WWOX: variants seen among roughly 807,000 people sequenced by gnomAD.
WWOX encodes the protein WW domain containing oxidoreductase, also known as WW domain-containing oxidoreductase.
In WWOX, 69 loss-of-function variants were observed where a neutral mutation model predicts 46.2. The ratio of observed to expected loss-of-function variants is 1.49; its 90% CI spans 1.23 to 1.82. The LOEUF (loss-of-function observed/expected upper bound fraction) is 1.82, where lower values mean the gene tolerates loss of function less well. WWOX is among the 40% of genes most tolerant of loss of function. The pLI is 0.00. For synonymous variants in WWOX, 359 were observed against 202.6 expected (o/e 1.77, Z -6.56); for missense variants, 919 against 542.6 (o/e 1.69, Z -6.89).
intron 8 of WWOX, among the ~76,000 whole-genome samples, chr16:78,802,686 C>G (rs867103937): frequency 6.6e-6 from 1 of 151,658 alleles, no homozygotes; most frequent in Non-Finnish European, 1.5e-5. Flanking sequence ...GAGGCCAAGG[C>G]AGGCAGATTA....
At chr16:78,698,164 C>T (rs181873341) in intron 8 of WWOX, among the ~76,000 whole-genome samples, 44 of 152,250 alleles carry the variant, frequency 2.9e-4, no homozygotes, top group African/African-American at 9.9e-4. Flanking sequence ...CTAGGATGGT[C>T]CCCTTTGTCA....
intron 8 of WWOX, chr16:78,526,603 A>C (rs544024761): frequency 6.6e-6 from 1 of 152,120 alleles, no homozygotes; most frequent in Non-Finnish European, 1.5e-5. Context: ...TCTAGGACAC[A>C]TTCTTGTCCT....
intron 8 of WWOX, among the ~76,000 whole-genome samples, chr16:78,680,470 G>C (rs8052846): frequency 0.086 from 13,146 of 152,078 alleles, 1,162 homozygotes; most frequent in African/African-American, 0.23. Context: ...GGGAGGTAGA[G>C]GCATGATCAT....
At chr16:78,837,592 T>C (rs1001971559) in intron 8 of WWOX, among the ~76,000 whole-genome samples, 2 of 152,222 alleles carry the variant, frequency 1.3e-5, no homozygotes, top group African/African-American at 4.8e-5. Context: ...GAAGATTTAA[T>C]ACAGACCTCT....
At chr16:78,119,336 T>C (rs1254420631) in intron 4 of WWOX, among the ~76,000 whole-genome samples, 1 of 152,222 alleles carries the variant, frequency 6.6e-6, no homozygotes, top group Non-Finnish European at 1.5e-5. Flanking sequence ...GGAAGGTCCC[T>C]GCTTCGTTTT....
intron 8 of WWOX, among the ~76,000 whole-genome samples, chr16:78,950,162 C>G (rs532583384): frequency 3.3e-5 from 5 of 152,112 alleles, no homozygotes; most frequent in Admixed American, 1.3e-4. Flanking sequence ...TCTCACTTTT[C>G]CCTTCTTGAT....
At chr16:78,865,661 C>T (rs1157882904) in intron 8 of WWOX, among the ~76,000 whole-genome samples, 1 of 152,116 alleles carries the variant, frequency 6.6e-6, no homozygotes, top group East Asian at 1.9e-4. Context: ...GGGTGGATCA[C>T]CTGAGGTCAG....
chr16:78,320,088 G>T (rs977128674), intron 5 of WWOX, among the ~76,000 whole-genome samples: 13 of 152,096 alleles, frequency 8.5e-5, no homozygotes, highest in South Asian at 4.1e-4. Flanking sequence ...CCCTAAGTAG[G>T]CTGGAAACTG....
chr16:79,200,100 C>G (rs1212669385), intron 8 of WWOX, among the ~76,000 whole-genome samples: 2 of 152,156 alleles, frequency 1.3e-5, no homozygotes, highest in Non-Finnish European at 2.9e-5. Context: ...GCACGAAGAG[C>G]AATTTGCAGA....
At chr16:78,929,502 A>C (rs950023937) in intron 8 of WWOX, among the ~76,000 whole-genome samples, 11 of 152,162 alleles carry the variant, frequency 7.2e-5, no homozygotes, top group Non-Finnish European at 1.0e-4. Flanking sequence ...AAAAAAAAAT[A>C]CTGGCACCGT....
At chr16:78,924,666 A>G (rs1032628804) in intron 8 of WWOX, among the ~76,000 whole-genome samples, 1 of 152,236 alleles carries the variant, frequency 6.6e-6, no homozygotes, top group Non-Finnish European at 1.5e-5. Context: ...TCCATTCAAC[A>G]TTTATTAGTT....
intron 8 of WWOX, among the ~76,000 whole-genome samples, chr16:79,157,442 A>C (rs1261638453): frequency 8.0e-6 from 1 of 124,666 alleles, no homozygotes; most frequent in Non-Finnish European, 1.6e-5. Flanking sequence ...AAAAAGAAAG[A>C]AACCACAAAA....
At chr16:78,122,263 T>C (rs1219625127) in intron 4 of WWOX, among the ~76,000 whole-genome samples, 1 of 152,204 alleles carries the variant, frequency 6.6e-6, no homozygotes. Context: ...CTACTGTCAG[T>C]GTGAACCTGA....
At chr16:79,063,502 C>T (rs1013210440) in intron 8 of WWOX, among the ~76,000 whole-genome samples, 1 of 152,106 alleles carries the variant, frequency 6.6e-6, no homozygotes, top group Non-Finnish European at 1.5e-5. Context: ...AGAAATAAAA[C>T]AAAACCAAAC....
At chr16:78,769,801 G>T (rs1442738483) in intron 8 of WWOX, among the ~76,000 whole-genome samples, 1 of 151,050 alleles carries the variant, frequency 6.6e-6, no homozygotes. Flanking sequence ...GAGTCCAGGA[G>T]TTCGAGATCA....
chr16:78,654,911 A>C (rs2047047783), intron 8 of WWOX, among the ~76,000 whole-genome samples: 1 of 152,102 alleles, frequency 6.6e-6, no homozygotes, highest in South Asian at 2.1e-4. Flanking sequence ...ATGTGTGTGC[A>C]TGAGTATCTT....
At chr16:78,695,787 T>G (rs1428468443) in intron 8 of WWOX, among the ~76,000 whole-genome samples, 2 of 152,176 alleles carry the variant, frequency 1.3e-5, no homozygotes, top group Non-Finnish European at 2.9e-5. Flanking sequence ...AAACATATAT[T>G]GAGCATTGAC....
chr16:78,480,950 G>C (rs1295583968), intron 8 of WWOX, among the ~76,000 whole-genome samples: 2 of 152,168 alleles, frequency 1.3e-5, no homozygotes, highest in African/African-American at 4.8e-5. Context: ...TCTTAGAATA[G>C]CAAATAGTAA....
intron 8 of WWOX, chr16:78,897,239 T>C (rs1294804083): frequency 1.2e-4 from 1 of 8,654 alleles, no homozygotes; most frequent in Admixed American, 1.9e-3. Context: ...GAGACTGTCT[T>C]TAAAAAAAAA....
Sources: gnomAD v4.1 joint callset for allele counts (sites outside exome capture counted in the v4.1 genomes callset) on GRCh38, gnomAD v4.1.1 for gene constraint, MANE v1.5 for transcripts, NCBI Gene and HGNC (gene_info 2026-07-23, HGNC 2026-07-21) for gene names.